Variants in ZNF644 observed in about 807,000 individuals in gnomAD.
The protein encoded by ZNF644 is zinc finger protein 644.
ZNF644 carries 20 observed loss-of-function variants against 108.0 expected under a neutral mutation model. The ratio of observed to expected loss-of-function variants is 0.19; its 90% CI spans 0.13 to 0.27. ZNF644 has a LOEUF of 0.27. Ranked by LOEUF, ZNF644 falls within the 10% of genes least tolerant of loss-of-function variation. The pLI is 1.00. For synonymous variants in ZNF644, 542 were observed against 539.1 expected, an observed-to-expected ratio of 1.01 and a Z score of -0.08; for missense variants, 1,338 against 1,548.9, an observed-to-expected ratio of 0.86 and a Z score of 2.29.
At chr1:90,944,401 C>T (rs1168595632) in intron 2 of ZNF644, among the ~76,000 whole-genome samples, 1 of 151,936 alleles carries the variant, frequency 6.6e-6, no homozygotes, top group East Asian at 1.9e-4. Flanking sequence ...CTACAAAACA[C>T]ATCTAGCAAA....
At chr1:90,917,207 G>A (rs1435115973) in intron 5 of ZNF644, among the ~76,000 whole-genome samples, 1 of 151,398 alleles carries the variant, frequency 6.6e-6, no homozygotes, top group East Asian at 1.9e-4. Context: ...GTATAGGTGG[G>A]AGCATTATTA....
intron 2 of ZNF644, among the ~76,000 whole-genome samples, chr1:90,963,401 T>C (rs1036699186): frequency 6.6e-6 from 1 of 152,118 alleles, no homozygotes; most frequent in African/African-American, 2.4e-5. Flanking sequence ...GATACAACCA[T>C]TTTGAAAACA....
At chr1:90,954,648 C>T (rs1653557439) in intron 2 of ZNF644, among the ~76,000 whole-genome samples, 1 of 152,170 alleles carries the variant, frequency 6.6e-6, no homozygotes, top group Non-Finnish European at 1.5e-5. Context: ...CTCAAGTGAT[C>T]CACCTGCCTT....
At chr1:90,963,632 TCTAA>T (rs1346778296) in intron 2 of ZNF644, among the ~76,000 whole-genome samples, 6 of 152,148 alleles carry the variant, frequency 3.9e-5, no homozygotes, top group African/African-American at 1.2e-4. Context: ...TGACAAAATT[TCTAA>T]CTCTCAAACA....
At chr1:91,002,612 G>A (rs926050162) in intron 1 of ZNF644, among the ~76,000 whole-genome samples, 2 of 152,144 alleles carry the variant, frequency 1.3e-5, no homozygotes, top group African/African-American at 2.4e-5. Flanking sequence ...TCAGGACACA[G>A]GCATGGGTAA....
chr1:90,922,598 CTTTAT>C (rs1460618117), intron 4 of ZNF644, among the ~76,000 whole-genome samples: 1 of 151,748 alleles, frequency 6.6e-6, no homozygotes, highest in Non-Finnish European at 1.5e-5. Context: ...TTTTTTAAAC[CTTTAT>C]TTTAACTTCA....
At chr1:90,982,453 A>C in intron 1 of ZNF644, 83 bp from the exon 2 acceptor site, 2 of 920,000 alleles carry the variant, frequency 2.2e-6, no homozygotes, top group Non-Finnish European at 3.5e-6. Flanking sequence ...CTATTATTTT[A>C]AATGAAAAAA....
chr1:91,008,546 C>G (rs565084164), intron 1 of ZNF644, among the ~76,000 whole-genome samples: 2 of 152,312 alleles, frequency 1.3e-5, no homozygotes, highest in Admixed American at 6.5e-5. Context: ...TCCTATACCA[C>G]TAGTTCATCA....
At chr1:90,958,293 G>GCTAAAAA (rs1375388003) in intron 2 of ZNF644, among the ~76,000 whole-genome samples, 71 of 145,604 alleles carry the variant, frequency 4.9e-4, no homozygotes, top group African/African-American at 1.7e-3. Flanking sequence ...AGACTTGTGC[G>GCTAAAAA]CTAAAAACTA....
rs1290314943 is a variant in ZNF644 at position 90,937,623 on chromosome 1, T to C, written c.3550A>G (p.Arg1184Gly). 1 of 1,613,930 alleles carries C rather than the reference T, an allele frequency of 6.2e-7. No homozygotes were observed. Among genetic ancestry groups the C allele is most frequent in the Admixed American group, 1.7e-5 (1 of 60,000 alleles). Residue 1184 changes from arginine (R) to glycine (G), a missense_variant, in exon 4 of 6, where the codon AGG becomes GGG. By Grantham distance (125) the Arg-to-Gly change is moderately radical (BLOSUM62 -2). This residue lies in a region of ZNF644 where 287 missense variants were observed against 310.9 expected (regional missense o/e 0.92). Transcript: ENST00000337393. ...LLKNKRMGEERNSAISPQKIH... is the reference protein window; with the variant it reads ...LLKNKRMGEEGNSAISPQKIH... ...TTTTGAGGAGAAATAGCAGAATTCC[T>C]TTCTTCTCCCATCCTTTTATTTTTA... is the stretch of plus-strand genomic sequence containing the variant.
chr1:91,009,251 T>C, intron 1 of ZNF644, among the ~76,000 whole-genome samples: 1 of 152,164 alleles, frequency 6.6e-6, no homozygotes, highest in Non-Finnish European at 1.5e-5. Flanking sequence ...AATGTAAATG[T>C]TATACTAAAA....
In ZNF644 at chr1:90,937,514, G is replaced by A. The variant is rs764526091; in HGVS notation, c.3659C>T (p.Pro1220Leu). The A allele has an allele frequency of 6.2e-7, 1 of 1,613,760 alleles. No homozygotes were observed. Among genetic ancestry groups the A allele is most frequent in the East Asian group, 2.2e-5 (1 of 44,864 alleles). The change falls in exon 4 of 6, where the codon CCA (proline) becomes CTA (leucine). Residue 1220 changes from proline (P) to leucine (L), a missense_variant. Around this residue, in one of 6 missense-constraint regions of ZNF644, gnomAD observed 287 missense variants for 310.9 expected, o/e 0.92. Coordinates refer to ENST00000337393, the MANE Select transcript of ZNF644 (RefSeq NM_201269.3). ...GTGCATAGTCAAGTCCATTTTTTGTGGCTGATACATCAACGGACTATCCTC... is the reference window on the plus strand; with the variant it reads ...GTGCATAGTCAAGTCCATTTTTTGTAGCTGATACATCAACGGACTATCCTC... Reference protein sequence around the residue: ...LNEDSPLMYQPQKMDLTMHSA... With the variant: ...LNEDSPLMYQLQKMDLTMHSA...
chr1:90,954,691 GCC>G (rs1653565030), intron 2 of ZNF644, among the ~76,000 whole-genome samples: 1 of 152,228 alleles, frequency 6.6e-6, no homozygotes, highest in Non-Finnish European at 1.5e-5. Context: ...ACAGGCGTGA[GCC>G]ATGGCACCCA....
At chr1:91,003,641 CTGCACATTG>C (rs199822322) in intron 1 of ZNF644, among the ~76,000 whole-genome samples, 1,904 of 151,892 alleles carry the variant, frequency 0.013, 37 homozygotes, top group African/African-American at 0.044. Flanking sequence ...TGTAACAAAC[CTGCACATTG>C]TGCACATGTA....
At chr1:90,988,906 G>T (rs967886171) in intron 1 of ZNF644, among the ~76,000 whole-genome samples, 1 of 152,078 alleles carries the variant, frequency 6.6e-6, no homozygotes, top group Non-Finnish European at 1.5e-5. Flanking sequence ...AAAGACCAAA[G>T]CATAAGAACT....
chr1:90,957,108 T>C (rs1384282417), intron 2 of ZNF644, among the ~76,000 whole-genome samples: 1 of 151,718 alleles, frequency 6.6e-6, no homozygotes. Context: ...CAAGAAGAAA[T>C]AGAAAATCTG....
chr1:90,939,487 G>T lies in ZNF644; in HGVS notation c.1867C>A (p.Leu623Ile). ...AGGATGTCATTTTTTCTTTTATCAA[G>T]TCCAAGAGGACTACCAAATGAATCA... ...CVDSFGSPLG[L>I]DKRKNDILEE... Residue 623 changes from leucine (L) to isoleucine (I), a missense_variant, in exon 3 of 6, where the codon CTT (leucine) becomes ATT (isoleucine). By Grantham distance (5) the Leu-to-Ile change is conservative (BLOSUM62 2). Transcript: ENST00000337393. The T allele has an allele frequency of 6.2e-7, 1 of 1,613,726 alleles. No homozygotes were observed. Among genetic ancestry groups the T allele is most frequent in the South Asian group, 1.1e-5 (1 of 91,074 alleles).
intron 2 of ZNF644, among the ~76,000 whole-genome samples, chr1:90,971,675 C>G (rs777190319): frequency 6.6e-6 from 1 of 152,002 alleles, no homozygotes; most frequent in Non-Finnish European, 1.5e-5. Flanking sequence ...ACCTCGGATC[C>G]CAAAGTGCTG....
chr1:90,922,067 A>T (rs1649506228), intron 4 of ZNF644, among the ~76,000 whole-genome samples: 1 of 152,198 alleles, frequency 6.6e-6, no homozygotes, highest in Non-Finnish European at 1.5e-5. Context: ...CCCATTTTAT[A>T]CAATAATTGC....
Sources: allele counts gnomAD v4.1 joint callset (sites outside exome capture counted in the v4.1 genomes callset), GRCh38; gene constraint gnomAD v4.1.1; regional missense constraint gnomAD v4.1.1; transcripts MANE v1.5; gene names NCBI Gene and HGNC (gene_info 2026-07-23, HGNC 2026-07-21).